Variants in KLRG1 observed in about 807,000 individuals in gnomAD.
KLRG1 encodes the protein killer cell lectin like receptor G1.
KLRG1 carries 16 observed loss-of-function variants against 21.8 expected under a neutral mutation model. That is an observed-to-expected ratio of 0.73 (90% CI 0.50 to 1.11). KLRG1 has a LOEUF of 1.11. Ranked by LOEUF, KLRG1 falls within the 50% of genes most tolerant of loss-of-function variation. The probability of loss-of-function intolerance (pLI) is 0.00; values close to 1 mark genes in which losing one functional copy is unlikely to be tolerated. For synonymous variants in KLRG1, 69 were observed against 75.9 expected (o/e 0.91, Z 0.47); for missense variants, 173 against 218.3 (o/e 0.79, Z 1.31).
At chr12:9,042,212 C>G in the KLRG1 span, among the ~76,000 whole-genome samples, 2 of 152,190 alleles carry the variant, frequency 1.3e-5, no homozygotes, top group African/African-American at 2.4e-5. Flanking sequence ...TGGAGATGAA[C>G]TAAAGAAGTA....
intron 1 of KLRG1, among the ~76,000 whole-genome samples, chr12:8,979,851 A>AT (rs1366081926): frequency 6.6e-6 from 1 of 151,062 alleles, no homozygotes; most frequent in African/African-American, 2.4e-5. Context: ...TCTGTATTGT[A>AT]TTTTTTATTT....
At chr12:9,084,621 C>T in the KLRG1 span, among the ~76,000 whole-genome samples, 1 of 151,916 alleles carries the variant, frequency 6.6e-6, no homozygotes, top group Non-Finnish European at 1.5e-5. Context: ...AAAAGAGGAA[C>T]AAAGAAGCAA....
At chr12:8,980,614 A>C (rs1441577038) in intron 1 of KLRG1, among the ~76,000 whole-genome samples, 1 of 152,128 alleles carries the variant, frequency 6.6e-6, no homozygotes, top group East Asian at 1.9e-4. Flanking sequence ...CTAGTTCTAA[A>C]GGGTGTGTCA....
chr12:9,175,867 A>G, the KLRG1 span, among the ~76,000 whole-genome samples: 2 of 152,212 alleles, frequency 1.3e-5, no homozygotes, highest in Non-Finnish European at 2.9e-5. Context: ...TGGGGAGTGT[A>G]AATTAGTTCA....
the KLRG1 span, among the ~76,000 whole-genome samples, chr12:9,119,893 C>G: frequency 6.6e-6 from 1 of 152,098 alleles, no homozygotes; most frequent in Non-Finnish European, 1.5e-5. Context: ...AGAGGGAAAA[C>G]GAGCTTGAGA....
the KLRG1 span, among the ~76,000 whole-genome samples, chr12:9,194,665 C>T: frequency 3.3e-5 from 5 of 152,128 alleles, no homozygotes; most frequent in South Asian, 6.2e-4. Flanking sequence ...GGGGTTTCAC[C>T]ATGTTAGCCA....
chr12:9,160,168 CA>C, the KLRG1 span: 1 of 1,103,260 alleles, frequency 9.1e-7, no homozygotes, highest in Non-Finnish European at 1.3e-6. Flanking sequence ...ATGGATAGAT[CA>C]AACACAACAT....
chr12:9,019,565 T>A, the KLRG1 span, among the ~76,000 whole-genome samples: 1 of 152,106 alleles, frequency 6.6e-6, no homozygotes, highest in African/African-American at 2.4e-5. Context: ...GTGGTACATA[T>A]ACATGAGGGA....
At chr12:8,994,996 C>T (rs748572016) in intron 2 of KLRG1, 123 bp from the exon 3 acceptor site, 3 of 782,804 alleles carry the variant, frequency 3.8e-6, no homozygotes, top group Admixed American at 3.2e-5. Flanking sequence ...TTTCTCTAAC[C>T]CTTAATCTGA....
At chr12:8,993,081 ATT>A (rs35555710) in intron 2 of KLRG1, among the ~76,000 whole-genome samples, 2,901 of 128,926 alleles carry the variant, frequency 0.023, 52 homozygotes, top group African/African-American at 0.056. Context: ...AACATTCTGA[ATT>A]TTTTTTTTTT....
the KLRG1 span, among the ~76,000 whole-genome samples, chr12:9,035,064 A>G: frequency 2.0e-5 from 3 of 149,006 alleles, no homozygotes; most frequent in African/African-American, 7.3e-5. Context: ...CTTATATAAT[A>G]AGGATATAAA....
At chr12:8,973,163 GAAAAAAAAA>G (rs59760555) in intron 1 of KLRG1, among the ~76,000 whole-genome samples, 36,938 of 98,128 alleles carry the variant, frequency 0.38, 3,813 homozygotes, top group South Asian at 0.46. Flanking sequence ...CATCTCAAAA[GAAAAAAAAA>G]AAAAAAAAAA....
the KLRG1 span, among the ~76,000 whole-genome samples, chr12:9,186,559 A>G: frequency 6.6e-6 from 1 of 152,158 alleles, no homozygotes; most frequent in Non-Finnish European, 1.5e-5. Flanking sequence ...AAAGGAGAAA[A>G]ATCTGTCAAG....
At chr12:8,989,063 C>G (rs1010776803), upstream of KLRG1, among the ~76,000 whole-genome samples, 2 of 152,114 alleles carry the variant, frequency 1.3e-5, no homozygotes, top group African/African-American at 4.8e-5. Flanking sequence ...TAAAGACCAT[C>G]ACACAATTTG....
At chr12:9,070,716 A>G in the KLRG1 span, 1 of 626,472 alleles carries the variant, frequency 1.6e-6, no homozygotes, top group Non-Finnish European at 2.8e-6. Context: ...GTGGTTTGTA[A>G]AAGTGGTGTG....
intron 3 of KLRG1, among the ~76,000 whole-genome samples, chr12:8,999,369 G>T (rs1419406020): frequency 6.6e-6 from 1 of 152,130 alleles, no homozygotes; most frequent in Admixed American, 6.5e-5. Context: ...GATGCTCCTT[G>T]CCCTATAATA....
At chr12:9,196,537 T>C in the KLRG1 span, 1 of 1,573,528 alleles carries the variant, frequency 6.4e-7, no homozygotes, top group Admixed American at 1.7e-5. Flanking sequence ...AGTAAACTAT[T>C]GTTTTATTTC....
chr12:9,000,586 G>C (rs528500364), intron 3 of KLRG1, among the ~76,000 whole-genome samples: 2 of 152,174 alleles, frequency 1.3e-5, no homozygotes, highest in South Asian at 2.1e-4. Flanking sequence ...CTAGCCCCTG[G>C]TAATCACTAT....
At position 8,994,317 on chromosome 12, in the gene KLRG1, C is replaced by T. The variant is rs192664367; in HGVS notation, c.188-802C>T. 2.0e-5 allele frequency among the ~76,000 whole-genome samples: 3 copies of T among 152,152 alleles called. No individual in the cohort carries two copies. The East Asian group carries it at 5.8e-4, about 29-fold the overall frequency. On this transcript the variant is annotated intron_variant, in intron 2 of 4. Coordinates refer to ENST00000356986, the MANE Select transcript of KLRG1 (RefSeq NM_005810.4). ...CTGGCCTCATGTGAGCCACCTGCCT[C>T]GGCCTCCCAAAGTGCTGGGATTACA...
Sources: allele counts gnomAD v4.1 joint callset (sites outside exome capture counted in the v4.1 genomes callset), GRCh38; gene constraint gnomAD v4.1.1; transcripts MANE v1.5; gene names NCBI Gene and HGNC (gene_info 2026-07-23, HGNC 2026-07-21).